Variants in LRRC69 observed in about 807,000 individuals in gnomAD.
The protein encoded by LRRC69 is leucine-rich repeat-containing protein 69.
Under a neutral mutation model 37.8 loss-of-function variants are expected in LRRC69, and 42 were observed. The observed-to-expected ratio is 1.11, with a 90% CI of 0.87 to 1.44. The LOEUF (loss-of-function observed/expected upper bound fraction) is 1.44, where lower values mean the gene tolerates loss of function less well. Ranked by LOEUF, LRRC69 falls within the 40% of genes most tolerant of loss-of-function variation. The pLI, the probability that LRRC69 is intolerant of heterozygous loss-of-function variation, is 0.00. For synonymous variants in LRRC69, 141 were observed against 143.1 expected, an observed-to-expected ratio of 0.99 and a Z score of 0.11; for missense variants, 357 against 401.9, an observed-to-expected ratio of 0.89 and a Z score of 0.96.
chr8:91,158,527 TAG>T (rs1399736649), intron 5 of LRRC69: 1 of 1,133,298 alleles, frequency 8.8e-7, no homozygotes, highest in Non-Finnish European at 1.3e-6. Context: ...GGCGATGAAA[TAG>T]ACTTACACAC....
Position 91,158,189 on chromosome 8 carries a change from G to T in LRRC69, c.651+22450G>T, listed in dbSNP as rs941524835. On this transcript the variant is annotated intron_variant, in intron 5 of 7. Coordinates refer to ENST00000448384, the Ensembl canonical transcript of LRRC69. ...ATCTGGAGCTGGAACAGAGGATTCT[G>T]CTTGTATTCCATGGGCTTACTATTC... 4 of 1,604,156 alleles carry T rather than the reference G, an allele frequency of 2.5e-6. No individual in the cohort carries two copies. In the Admixed American group the frequency reaches 6.7e-5, roughly 27 times the overall value.
intron 5 of LRRC69, among the ~76,000 whole-genome samples, chr8:91,141,265 TG>T (rs758141133): frequency 6.6e-5 from 10 of 152,188 alleles, no homozygotes; most frequent in Admixed American, 1.3e-4. Flanking sequence ...TATCACAAAC[TG>T]GGGCTTAAAG....
chr8:91,154,294 C>A (rs1227222359), intron 5 of LRRC69, among the ~76,000 whole-genome samples: 1 of 151,478 alleles, frequency 6.6e-6, no homozygotes, highest in Non-Finnish European at 1.5e-5. Flanking sequence ...ACCAGAAGTA[C>A]AAAGAGGAGT....
chr8:91,181,755 T>C (rs942755597), intron 5 of LRRC69, among the ~76,000 whole-genome samples: 1 of 151,998 alleles, frequency 6.6e-6, no homozygotes, highest in Admixed American at 6.5e-5. Context: ...AAAGAAGCAA[T>C]TGATGAATGG....
At chr8:91,122,128 C>T (rs1369344678) in intron 1 of LRRC69, among the ~76,000 whole-genome samples, 3 of 151,974 alleles carry the variant, frequency 2.0e-5, no homozygotes, top group African/African-American at 7.2e-5. Flanking sequence ...AGTATATGCC[C>T]TCAGAAATAC....
At chr8:91,206,263 T>A (rs1035000491) in intron 7 of LRRC69, among the ~76,000 whole-genome samples, 2 of 152,282 alleles carry the variant, frequency 1.3e-5, no homozygotes, top group East Asian at 1.9e-4. Flanking sequence ...AATGTTAAAA[T>A]TTTTAAAAGC....
intron 5 of LRRC69, among the ~76,000 whole-genome samples, chr8:91,182,776 A>G (rs1809344651): frequency 6.6e-6 from 1 of 152,252 alleles, no homozygotes; most frequent in African/African-American, 2.4e-5. Context: ...TAAGGAAACC[A>G]TAGAGGGTCT....
chr8:91,166,472 A>AG (rs1478406436), intron 5 of LRRC69, among the ~76,000 whole-genome samples: 2 of 119,172 alleles, frequency 1.7e-5, no homozygotes, highest in African/African-American at 7.3e-5. Flanking sequence ...AGATGGGAAG[A>AG]GGGGGTTGTA....
chr8:91,211,616 A>ATTT (rs34106795), intron 7 of LRRC69, among the ~76,000 whole-genome samples: 45 of 137,532 alleles, frequency 3.3e-4, no homozygotes, highest in Non-Finnish European at 5.0e-4. Flanking sequence ...ATATATATAT[A>ATTT]TTTTTTTTTT....
rs374429755 is a variant in LRRC69 at position 91,180,638 on chromosome 8, T to C, written c.652-8884T>C. On this transcript the variant is annotated intron_variant, in intron 5 of 7. Coordinates refer to ENST00000448384, the Ensembl canonical transcript of LRRC69. The stretch of plus-strand genomic sequence containing the variant: ...CACAGTACACTAACAGCACAAAATG[T>C]ACTCTATCATTATTTTCTTTTTGAG... Among the ~76,000 whole-genome samples, 3 of 151,552 alleles carry C rather than the reference T, an allele frequency of 2.0e-5. No homozygotes were observed. In the East Asian group the frequency reaches 5.8e-4, roughly 29 times the overall value.
At chr8:91,173,953 C>T (rs1338977035) in intron 5 of LRRC69, among the ~76,000 whole-genome samples, 2 of 115,718 alleles carry the variant, frequency 1.7e-5, no homozygotes, top group East Asian at 5.0e-4. Context: ...GAAGAAAAAA[C>T]AAAAGCTGAT....
intron 5 of LRRC69, among the ~76,000 whole-genome samples, chr8:91,172,442 T>C (rs945718600): frequency 1.3e-5 from 2 of 152,068 alleles, no homozygotes; most frequent in African/African-American, 2.4e-5. Flanking sequence ...ACATATTTCT[T>C]TGAAGATAGT....
chr8:91,164,336 G>T (rs1308947698), intron 5 of LRRC69, among the ~76,000 whole-genome samples: 1 of 151,626 alleles, frequency 6.6e-6, no homozygotes, highest in Non-Finnish European at 1.5e-5. Flanking sequence ...AGGAAACTAG[G>T]CTCAGAAAAT....
rs137983463 is a variant in LRRC69 at position 91,191,393 on chromosome 8, G to A, written c.753+1770G>A. Reference sequence around the variant, plus strand: ...TAATAGCAGCTAACACTTATTTTATGCCTATTATGGACAAGGTACTGTTCT... The same window carrying A: ...TAATAGCAGCTAACACTTATTTTATACCTATTATGGACAAGGTACTGTTCT... On this transcript the variant is annotated intron_variant, in intron 6 of 7. Coordinates refer to ENST00000448384, the Ensembl canonical transcript of LRRC69. Among the ~76,000 whole-genome samples the A allele has an allele frequency of 1.8e-3, 269 of 151,960 alleles. 3 individuals carry two copies. Among genetic ancestry groups the A allele is most frequent in the East Asian group, 7.7e-4 (4 of 5,164 alleles).
intron 5 of LRRC69, among the ~76,000 whole-genome samples, chr8:91,167,376 C>G (rs184679633): frequency 6.6e-6 from 1 of 151,418 alleles, no homozygotes. Flanking sequence ...TTCACTATCA[C>G]GAGAACAGCC....
At chr8:91,189,180 G>A (rs1250520663) in intron 5 of LRRC69, among the ~76,000 whole-genome samples, 1 of 152,008 alleles carries the variant, frequency 6.6e-6, no homozygotes. Context: ...AAATATATTT[G>A]CAAAATGTTC....
chr8:91,136,635 ACT>A (rs1808423322), intron 5 of LRRC69, among the ~76,000 whole-genome samples: 1 of 151,740 alleles, frequency 6.6e-6, no homozygotes, highest in Admixed American at 6.6e-5. Context: ...TCCAGCTGAA[ACT>A]CTGTATCCAT....
intron 6 of LRRC69, among the ~76,000 whole-genome samples, chr8:91,196,007 G>A (rs567200882): frequency 2.3e-3 from 351 of 152,236 alleles, no homozygotes; most frequent in African/African-American, 8.1e-3. Context: ...CATGTTTAGC[G>A]CTTCCTTCAG....
chr8:91,209,449 A>AAATG (rs1809865016), intron 7 of LRRC69: 1 of 152,044 alleles, frequency 6.6e-6, no homozygotes, highest in Non-Finnish European at 1.5e-5. Flanking sequence ...ATAAATAAAT[A>AAATG]AATAAATAAA....
Sources: gnomAD v4.1 joint callset for allele counts (sites outside exome capture counted in the v4.1 genomes callset) on GRCh38, gnomAD v4.1.1 for gene constraint, MANE v1.5 for transcripts, NCBI Gene and HGNC (gene_info 2026-07-23, HGNC 2026-07-21) for gene names.